Variants in NOVA1 observed in about 807,000 individuals in gnomAD.
The protein encoded by NOVA1 is RNA-binding protein Nova-1.
NOVA1 carries 7 observed loss-of-function variants against 38.0 expected under a neutral mutation model. The ratio of observed to expected loss-of-function variants is 0.18; its 90% CI spans 0.10 to 0.35. NOVA1 has a LOEUF of 0.35. NOVA1 is among the 10% of genes least tolerant of loss of function. The pLI, the probability that NOVA1 is intolerant of heterozygous loss-of-function variation, is 1.00. For synonymous variants in NOVA1, 270 were observed against 232.5 expected (o/e 1.16, Z -1.47); for missense variants, 460 against 616.0 (o/e 0.75, Z 2.68).
chr14:26,557,094 A>G (rs1011032506), intron 2 of NOVA1, among the ~76,000 whole-genome samples: 10 of 152,136 alleles, frequency 6.6e-5, no homozygotes, highest in African/African-American at 1.9e-4. Context: ...TTATAAGGAT[A>G]CCAGTCATAA....
intron 2 of NOVA1, among the ~76,000 whole-genome samples, chr14:26,559,986 T>C (rs535001436): frequency 3.3e-5 from 5 of 152,196 alleles, no homozygotes; most frequent in African/African-American, 9.6e-5. Flanking sequence ...TTACATTGTA[T>C]GTATTAAATT....
chr14:26,530,064 C>A (rs1297849557), intron 2 of NOVA1, among the ~76,000 whole-genome samples: 1 of 152,128 alleles, frequency 6.6e-6, no homozygotes, highest in Non-Finnish European at 1.5e-5. Flanking sequence ...GGACTACAAG[C>A]ACCCGCCACC....
At position 26,594,106 on chromosome 14, in the gene NOVA1, G is replaced by A. The variant is rs1429003178; in HGVS notation, c.280+1304C>T. On this transcript the variant is annotated intron_variant, in intron 2 of 4. Coordinates refer to ENST00000539517, the MANE Select transcript of NOVA1 (RefSeq NM_002515.3). ...GTTAGCAAACTTTCTTAATGCATAA[G>A]GAAAGTTTCAGAGACAAGGAAAGCC... 3.3e-5 allele frequency: 5 copies of A among 151,780 alleles called. No individual in the cohort carries two copies. The East Asian group carries it at 9.7e-4, about 29-fold the overall frequency. 9.4% of individuals were successfully genotyped at this position (151,780 alleles called of 1,614,324 possible). A position where few individuals can be genotyped will look rare whatever the true frequency, so the allele number is the denominator to read the frequency against.
chr14:26,535,457 A>G (rs2138572211), intron 2 of NOVA1, among the ~76,000 whole-genome samples: 1 of 152,320 alleles, frequency 6.6e-6, no homozygotes, highest in Admixed American at 6.5e-5. Context: ...CCAGGGAATT[A>G]TTATTCTAGT....
chr14:26,467,308 A>G (rs1884223152), intron 4 of NOVA1, among the ~76,000 whole-genome samples: 1 of 152,226 alleles, frequency 6.6e-6, no homozygotes, highest in Non-Finnish European at 1.5e-5. Flanking sequence ...TTGGTAGATA[A>G]AGTAATATGT....
intron 2 of NOVA1, among the ~76,000 whole-genome samples, chr14:26,543,337 G>A (rs1361185082): frequency 6.6e-6 from 1 of 151,946 alleles, no homozygotes; most frequent in African/African-American, 2.4e-5. Flanking sequence ...TGAGTGTTCA[G>A]AAGAGATTCA....
chr14:26,466,520 C>T (rs1006489328), intron 4 of NOVA1, among the ~76,000 whole-genome samples: 8 of 152,110 alleles, frequency 5.3e-5, no homozygotes, highest in African/African-American at 1.9e-4. Context: ...GAAGCATATA[C>T]AATTTTAGAG....
At chr14:26,470,766 A>G (rs1312039607) in intron 4 of NOVA1, among the ~76,000 whole-genome samples, 2 of 152,102 alleles carry the variant, frequency 1.3e-5, no homozygotes, top group Non-Finnish European at 2.9e-5. Context: ...CAAAATTATT[A>G]AGGAGGTTTT....
At chr14:26,568,887 T>G (rs17111388) in intron 2 of NOVA1, among the ~76,000 whole-genome samples, 1 of 151,982 alleles carries the variant, frequency 6.6e-6, no homozygotes, top group African/African-American at 2.4e-5. Context: ...GAAAAAATTA[T>G]CTGGGAATTC....
chr14:26,549,826 G>T, intron 2 of NOVA1: 2 of 1,033,650 alleles, frequency 1.9e-6, no homozygotes, highest in Non-Finnish European at 2.6e-6. Context: ...TTCCACCTCA[G>T]AAGTGGCTGC....
intron 2 of NOVA1, among the ~76,000 whole-genome samples, chr14:26,540,145 C>T (rs1360253236): frequency 6.6e-6 from 1 of 152,202 alleles, no homozygotes; most frequent in Admixed American, 6.5e-5. Context: ...CCCACTTCCC[C>T]CACACCCCTT....
At chr14:26,502,815 A>G (rs1366577967) in intron 2 of NOVA1, among the ~76,000 whole-genome samples, 1 of 152,054 alleles carries the variant, frequency 6.6e-6, no homozygotes, top group Non-Finnish European at 1.5e-5. Context: ...CTTATTTGAA[A>G]TATGATACAT....
At chr14:26,497,195 A>C (rs1886880980) in intron 2 of NOVA1, among the ~76,000 whole-genome samples, 1 of 152,172 alleles carries the variant, frequency 6.6e-6, no homozygotes, top group Admixed American at 6.5e-5. Flanking sequence ...TCCCATTCAC[A>C]ATTGCTTCTA....
At chr14:26,493,819 G>C (rs550370338) in intron 2 of NOVA1, among the ~76,000 whole-genome samples, 53 of 152,050 alleles carry the variant, frequency 3.5e-4, no homozygotes, top group Non-Finnish European at 6.5e-4. Flanking sequence ...CAAGTTCTTG[G>C]GTATCCTTCA....
At chr14:26,449,739 T>C (rs546460283) in intron 4 of NOVA1, among the ~76,000 whole-genome samples, 1 of 152,260 alleles carries the variant, frequency 6.6e-6, no homozygotes, top group Admixed American at 6.5e-5. Flanking sequence ...CTATCATTGC[T>C]ACATTTTTAA....
chr14:26,541,995 A>T (rs1742246118), intron 2 of NOVA1, among the ~76,000 whole-genome samples: 2 of 151,950 alleles, frequency 1.3e-5, no homozygotes, highest in African/African-American at 4.8e-5. Context: ...AAAGGTCAGA[A>T]TATCCATTCA....
At chr14:26,572,154 T>C (rs1892522759) in intron 2 of NOVA1, among the ~76,000 whole-genome samples, 1 of 152,202 alleles carries the variant, frequency 6.6e-6, no homozygotes, top group African/African-American at 2.4e-5. Context: ...TGGTAGAGTC[T>C]ATATAAAGTA....
At chr14:26,543,784 T>C (rs532795105) in intron 2 of NOVA1, among the ~76,000 whole-genome samples, 3 of 151,978 alleles carry the variant, frequency 2.0e-5, no homozygotes, top group Non-Finnish European at 4.4e-5. Context: ...CAGCCAATGA[T>C]CCAAAGCTGA....
intron 2 of NOVA1, chr14:26,588,476 G>A (rs904781898): frequency 4.6e-5 from 7 of 151,300 alleles, no homozygotes; most frequent in Non-Finnish European, 8.9e-5. Flanking sequence ...TGCTATGACA[G>A]GCCCTGCAGG....
Sources: gnomAD v4.1 joint callset for allele counts (sites outside exome capture counted in the v4.1 genomes callset) on GRCh38, gnomAD v4.1.1 for gene constraint, MANE v1.5 for transcripts, NCBI Gene and HGNC (gene_info 2026-07-23, HGNC 2026-07-21) for gene names.